Variants in GRIN2B observed in about 807,000 individuals in gnomAD.
GRIN2B encodes glutamate ionotropic receptor NMDA type subunit 2B.
Under a neutral mutation model 114.5 loss-of-function variants are expected in GRIN2B, and 5 were observed. The ratio of observed to expected loss-of-function variants is 0.04; its 90% CI spans 0.02 to 0.09. The LOEUF is 0.09. GRIN2B is among the 10% of genes least tolerant of loss of function. The pLI, the probability that GRIN2B is intolerant of heterozygous loss-of-function variation, is 1.00. For synonymous variants in GRIN2B, 787 were observed against 745.1 expected (o/e 1.06, Z -0.92); for missense variants, 1,108 against 1,943.5 (o/e 0.57, Z 8.08).
rs779628466 is a variant in GRIN2B, at chr12:13,563,597, A to G, written c.3641T>C (p.Phe1214Ser). Residue 1214 changes from phenylalanine to serine, a missense_variant, in exon 14 of 14, where the codon TTC (phenylalanine) becomes TCC (serine). By Grantham distance (155) the Phe-to-Ser change is radical (BLOSUM62 -2). This residue lies in a region of GRIN2B where 478 missense variants were observed against 506.0 expected (regional missense o/e 0.94). Transcript: ENST00000609686. Reference sequence around the variant, plus strand: ...CAGCTTGGAGGGACAGCTGCGGCAGAAGTTGCCCCCGGACCGGTCCTCCCA... The same window carrying G: ...CAGCTTGGAGGGACAGCTGCGGCAGGAGTTGCCCCCGGACCGGTCCTCCCA... The part of the protein sequence containing the change: ...VEWEDRSGGN[F>S]CRSCPSKLHN... The G allele has an allele frequency of 3.7e-6, 6 of 1,614,046 alleles. No individual in the cohort carries two copies. The Admixed American group carries it at 1.0e-4, about 27-fold the overall frequency.
chr12:13,835,245 C>T (rs1164414244), intron 3 of GRIN2B, among the ~76,000 whole-genome samples: 1 of 152,038 alleles, frequency 6.6e-6, no homozygotes, highest in Non-Finnish European at 1.5e-5. Context: ...TGTCCTTACC[C>T]TCAGATTACA....
At chr12:13,737,541 T>A (rs780601785) in intron 4 of GRIN2B, among the ~76,000 whole-genome samples, 1 of 152,178 alleles carries the variant, frequency 6.6e-6, no homozygotes, top group Admixed American at 6.5e-5. Flanking sequence ...AAATGTGAAA[T>A]CTGAAGTTTG....
intron 3 of GRIN2B, among the ~76,000 whole-genome samples, chr12:13,765,501 T>C (rs1268357987): frequency 3.9e-5 from 6 of 152,212 alleles, no homozygotes; most frequent in Non-Finnish European, 5.9e-5. Flanking sequence ...CTCAAGAATA[T>C]TGTCAGTATG....
intron 3 of GRIN2B, among the ~76,000 whole-genome samples, chr12:13,810,074 T>G (rs943902494): frequency 6.6e-6 from 1 of 152,208 alleles, no homozygotes; most frequent in South Asian, 2.1e-4. Flanking sequence ...TCCGGGTTTT[T>G]GCTCAGACAC....
At chr12:13,573,349 G>A (rs1591613273) in intron 10 of GRIN2B, among the ~76,000 whole-genome samples, 1 of 148,956 alleles carries the variant, frequency 6.7e-6, no homozygotes, top group East Asian at 1.9e-4. Context: ...TACTCCGGAG[G>A]CTGAGGCAGG....
chr12:13,874,022 A>G lies in GRIN2B; in HGVS notation c.-18-7796T>C, dbSNP rs1364924494. On this transcript the variant is annotated intron_variant, in intron 2 of 13. Transcript: ENST00000609686. ...AATCTCTGAGCCAGCAGATGAACCA[A>G]CAAGTCCTCTTACATAATGCAGGTA... Among the ~76,000 whole-genome samples the G allele has an allele frequency of 3.9e-5, 6 of 152,326 alleles. No individual in the cohort carries two copies. The East Asian group carries it at 7.7e-4, about 20-fold the overall frequency.
intron 2 of GRIN2B, among the ~76,000 whole-genome samples, chr12:13,958,806 A>T (rs1017953466): frequency 1.4e-4 from 21 of 152,220 alleles, no homozygotes; most frequent in African/African-American, 4.6e-4. Flanking sequence ...CCACAAAAAG[A>T]CGAGAAGGTT....
intron 10 of GRIN2B, among the ~76,000 whole-genome samples, chr12:13,573,369 T>C: frequency 6.7e-6 from 1 of 149,116 alleles, no homozygotes; most frequent in East Asian, 1.9e-4. Flanking sequence ...GAGAATGGCA[T>C]GAACCCAGGA....
At chr12:13,927,868 G>A (rs987303737) in intron 2 of GRIN2B, among the ~76,000 whole-genome samples, 2 of 150,098 alleles carry the variant, frequency 1.3e-5, no homozygotes, top group South Asian at 4.2e-4. Context: ...TCAGGAGGCT[G>A]AGGTGGGAGG....
intron 3 of GRIN2B, among the ~76,000 whole-genome samples, chr12:13,770,414 A>G (rs938826553): frequency 1.3e-5 from 2 of 152,242 alleles, no homozygotes; most frequent in African/African-American, 4.8e-5. Context: ...ACCCTATATC[A>G]GAATAAGACA....
chr12:13,689,971 C>G (rs1950201493), intron 4 of GRIN2B, among the ~76,000 whole-genome samples: 1 of 152,136 alleles, frequency 6.6e-6, no homozygotes, highest in South Asian at 2.1e-4. Context: ...CTTCTCTCCT[C>G]TTGTCTTATC....
chr12:13,928,824 G>A (rs219877), intron 2 of GRIN2B, among the ~76,000 whole-genome samples: 141,322 of 152,302 alleles, frequency 0.93, 66,000 homozygotes, highest in East Asian at 1. Flanking sequence ...ATGGGAAAAG[G>A]AATAGTTAAA....
In GRIN2B at chr12:13,777,154, C is replaced by A. The variant is rs115161070; in HGVS notation, c.412-23239G>T. Among the ~76,000 whole-genome samples, 925 of 152,224 alleles carry A rather than the reference C, an allele frequency of 6.1e-3. 10 individuals are homozygous for A. Among genetic ancestry groups the A allele is most frequent in the African/African-American group, 0.022 (896 of 41,528 alleles). ...GCTTCTGAATATGGATGTTTCAGCCCACATCCCCTTTGGAATGTCCCCTCC... is the reference window on the plus strand; with the variant it reads ...GCTTCTGAATATGGATGTTTCAGCCAACATCCCCTTTGGAATGTCCCCTCC... On this transcript the variant is annotated intron_variant, in intron 3 of 13. Transcript: ENST00000609686.
intron 10 of GRIN2B, among the ~76,000 whole-genome samples, chr12:13,580,833 C>T (rs1199232016): frequency 6.6e-6 from 1 of 152,204 alleles, no homozygotes; most frequent in East Asian, 1.9e-4. Context: ...CCTTTCAAGT[C>T]ACACACTCCC....
chr12:13,567,365 G>A (rs989819530), intron 12 of GRIN2B, 102 bp from the exon 13 acceptor site: 31 of 775,642 alleles, frequency 4.0e-5, no homozygotes, highest in East Asian at 2.6e-4. Flanking sequence ...AGAAAGATAC[G>A]TGACAGAAAA....
At chr12:13,958,884 C>T (rs990832418) in intron 2 of GRIN2B, among the ~76,000 whole-genome samples, 3 of 151,778 alleles carry the variant, frequency 2.0e-5, no homozygotes, top group Non-Finnish European at 4.4e-5. Context: ...GGAAAAAAGA[C>T]GTTATAGAGA....
intron 5 of GRIN2B, among the ~76,000 whole-genome samples, chr12:13,668,990 G>A (rs1320666396): frequency 7.2e-6 from 1 of 138,870 alleles, no homozygotes; most frequent in Non-Finnish European, 1.6e-5. Context: ...GAGGTGGAGA[G>A]GGAATGGAGG....
rs1032141987 is a variant in GRIN2B, at chr12:13,558,115, G to C, written c.*4668C>G. Reference sequence around the variant, plus strand: ...AAGAGCTCCTTAAACAGGAGGAAAAGTCTCTGACACCCAAGTGAAGAAAGC... The same window carrying C: ...AAGAGCTCCTTAAACAGGAGGAAAACTCTCTGACACCCAAGTGAAGAAAGC... On this transcript the variant is annotated 3_prime_UTR_variant, in exon 14 of 14. Transcript: ENST00000609686. 1 of 152,218 alleles carries C rather than the reference G, an allele frequency of 6.6e-6. No individual in the cohort carries two copies. The highest frequency in any genetic ancestry group is 1.5e-5 in the Non-Finnish European group (1 of 68,054). 9.4% of individuals were successfully genotyped at this position (152,218 alleles called of 1,614,324 possible).
chr12:13,973,188 TC>T (rs969987179), intron 2 of GRIN2B, among the ~76,000 whole-genome samples: 1 of 152,038 alleles, frequency 6.6e-6, no homozygotes, highest in African/African-American at 2.4e-5. Flanking sequence ...TGTTTTTAAG[TC>T]CCCCCTCTTA....
Sources: allele counts gnomAD v4.1 joint callset (sites outside exome capture counted in the v4.1 genomes callset), GRCh38; gene constraint gnomAD v4.1.1; regional missense constraint gnomAD v4.1.1; transcripts MANE v1.5; gene names NCBI Gene and HGNC (gene_info 2026-07-23, HGNC 2026-07-21).